Variants in CACNA1C observed in about 807,000 individuals in gnomAD.
CACNA1C encodes voltage-dependent L-type calcium channel subunit alpha-1C.
In CACNA1C, 30 loss-of-function variants were observed where a neutral mutation model predicts 229.0. The observed-to-expected ratio is 0.13, with a 90% confidence interval of 0.10 to 0.18. CACNA1C has a LOEUF of 0.18. Among genes scored for constraint, CACNA1C ranks in the 10% least tolerant of loss-of-function variants. The pLI, the probability that CACNA1C is intolerant of heterozygous loss-of-function variation, is 1.00. For synonymous variants in CACNA1C, 1,114 were observed against 1,132.5 expected, an observed-to-expected ratio of 0.98 and a Z score of 0.33; for missense variants, 1,658 against 2,845.0, an observed-to-expected ratio of 0.58 and a Z score of 9.49.
chr12:2,025,450 ACT>A (rs2047157089), intron 1 of CACNA1C, among the ~76,000 whole-genome samples: 2 of 151,984 alleles, frequency 1.3e-5, no homozygotes, highest in South Asian at 4.2e-4. Context: ...CCAGCTCTGC[ACT>A]CTCTGCAGAG....
In CACNA1C at chr12:2,562,148, G is replaced by A. The variant is rs559489694; in HGVS notation, c.1509-4274G>A. ...GAGCACCCCAGTTGAAAGGGACACC[G>A]TCCTGTCCACTCCGGCCACTCCTCA... On this transcript the variant is annotated intron_variant, in intron 11 of 46. Coordinates refer to ENST00000399655, the MANE Select transcript of CACNA1C (RefSeq NM_000719.7). Among the ~76,000 whole-genome samples, 51 of 133,750 alleles carry A rather than the reference G, an allele frequency of 3.8e-4. No homozygotes were observed. The South Asian group carries it at 6.5e-3, about 17-fold the overall frequency. The allele number at this position is 133,750 out of a possible 152,430, so 87.7% of individuals were successfully genotyped here. A position where few individuals can be genotyped will look rare whatever the true frequency, so the allele number is the denominator to read the frequency against.
At position 2,605,303 on chromosome 12, in the gene CACNA1C, C is replaced by A; in HGVS notation, c.3048+135C>A. 1.5e-6 allele frequency: 1 copy of A among 648,790 alleles called. No homozygotes were observed. 40.2% of individuals were successfully genotyped at this position (648,790 alleles called of 1,614,324 possible). On this transcript the variant is annotated intron_variant, in intron 23 of 46. Coordinates refer to ENST00000399655, the MANE Select transcript of CACNA1C (RefSeq NM_000719.7). This position sits in a 1 kb window ranked among gnomAD's most constrained non-coding sequence, Gnocchi z 6.2. ...CCATGTGGGGTCCCGGACACTGGTCCCACTGCATGTCCCGGTTCCGTAATG... is the reference window on the plus strand; with the variant it reads ...CCATGTGGGGTCCCGGACACTGGTCACACTGCATGTCCCGGTTCCGTAATG...
chr12:2,424,678 G>A (rs1295118120), intron 3 of CACNA1C, among the ~76,000 whole-genome samples: 1 of 152,180 alleles, frequency 6.6e-6, no homozygotes. Context: ...AGCTTCAGCA[G>A]CTCCAGGACC....
chr12:2,427,113 C>T (rs1015758347), intron 3 of CACNA1C, among the ~76,000 whole-genome samples: 4 of 152,130 alleles, frequency 2.6e-5, no homozygotes, highest in Admixed American at 2.6e-4. Context: ...GTAGGAAGGA[C>T]ATAGAAAGGA....
At chr12:2,524,698 T>G (rs2099815668) in intron 9 of CACNA1C, among the ~76,000 whole-genome samples, 1 of 152,228 alleles carries the variant, frequency 6.6e-6, no homozygotes, top group South Asian at 2.1e-4. Flanking sequence ...CTGTCTGCTC[T>G]GCATCGGGCC....
At chr12:2,166,214 C>G (rs1044337045) in intron 3 of CACNA1C, among the ~76,000 whole-genome samples, 5 of 152,202 alleles carry the variant, frequency 3.3e-5, no homozygotes, top group African/African-American at 1.2e-4. Context: ...CCATGTTTAC[C>G]CATATTCCTC....
In CACNA1C at chr12:2,146,139, C is replaced by T. The variant is rs188626796; in HGVS notation, c.477+25709C>T. 1.5e-4 allele frequency among the ~76,000 whole-genome samples: 22 copies of T among 151,256 alleles called. No homozygotes were observed. The East Asian group carries it at 4.1e-3, about 28-fold the overall frequency. On this transcript the variant is annotated intron_variant, in intron 3 of 46. Coordinates refer to ENST00000399655, the MANE Select transcript of CACNA1C (RefSeq NM_000719.7). ...AAAGAAGAGAGGGGTTATTATCACC[C>T]CTCTTCCCTGTCACGTTTAGATTGG...
At chr12:2,222,740 T>C (rs1170650424) in intron 3 of CACNA1C, among the ~76,000 whole-genome samples, 3 of 152,140 alleles carry the variant, frequency 2.0e-5, no homozygotes, top group African/African-American at 7.2e-5. Context: ...TGAGGGACAA[T>C]GAGTTGTCCT....
At chr12:2,068,379 C>T (rs879436614) in intron 1 of CACNA1C, among the ~76,000 whole-genome samples, 8 of 152,244 alleles carry the variant, frequency 5.3e-5, no homozygotes, top group South Asian at 2.1e-4. Flanking sequence ...AGGCCTTTCC[C>T]GGAGGCAGGC....
rs10774027 is a variant in CACNA1C, at chr12:2,105,822, A to G, written c.50-9402A>G. Among the ~76,000 whole-genome samples the G allele has an allele frequency of 3.0e-3, 126 of 42,334 alleles. 5 individuals are homozygous for G. The highest frequency in any genetic ancestry group is 0.016 in the South Asian group (15 of 918). The allele number at this position is 42,334 out of a possible 152,430, so 27.8% of individuals were successfully genotyped here. A position where few individuals can be genotyped will look rare whatever the true frequency, so the allele number is the denominator to read the frequency against. On this transcript the variant is annotated intron_variant, in intron 1 of 46. Coordinates refer to ENST00000399655, the MANE Select transcript of CACNA1C (RefSeq NM_000719.7). The stretch of plus-strand genomic sequence containing the variant: ...GGGAGGGTTTCCACCTCAGCTGGGC[A>G]TCCTGAAGCCACTGGGCGCCCACCC...
At chr12:2,021,767 C>T (rs1004444577) in intron 1 of CACNA1C, among the ~76,000 whole-genome samples, 62 of 152,266 alleles carry the variant, frequency 4.1e-4, no homozygotes, top group African/African-American at 1.4e-3. Flanking sequence ...GGCTTTCTTA[C>T]TGCTTCTCAC....
chr12:2,677,087 G>A lies in CACNA1C; in HGVS notation c.4829-7G>A, dbSNP rs137904817. Reference sequence around the variant, plus strand: ...CTTACCCCCTCTCCCCTCTCCATACGTCTCAGATGATGAGGTCACCGTTGG... The same window carrying A: ...CTTACCCCCTCTCCCCTCTCCATACATCTCAGATGATGAGGTCACCGTTGG... On this transcript the variant is annotated splice_region_variant and splice_polypyrimidine_tract_variant and intron_variant, in intron 39 of 46. Transcript: ENST00000399655. The surrounding 1 kb of genome is among the most constrained non-coding windows in gnomAD (Gnocchi z 7.4). 3.2e-4 allele frequency: 511 copies of A among 1,611,758 alleles called. 4 individuals carry two copies. The African/African-American group carries it at 6.3e-3, about 20-fold the overall frequency.
intron 3 of CACNA1C, among the ~76,000 whole-genome samples, chr12:2,432,374 T>G (rs1231845053): frequency 6.6e-6 from 1 of 152,216 alleles, no homozygotes; most frequent in Admixed American, 6.5e-5. Context: ...GTGCTCACCA[T>G]GATGCCAGGT....
intron 3 of CACNA1C, among the ~76,000 whole-genome samples, chr12:2,286,895 T>G (rs1399629351): frequency 6.6e-6 from 1 of 152,218 alleles, no homozygotes; most frequent in Non-Finnish European, 1.5e-5. Flanking sequence ...GTAGTGGCCC[T>G]CCCTTACTCA....
At chr12:2,340,739 C>T (rs562538646) in intron 3 of CACNA1C, among the ~76,000 whole-genome samples, 46 of 152,292 alleles carry the variant, frequency 3.0e-4, no homozygotes, top group African/African-American at 9.9e-4. Context: ...TGGCAGATCA[C>T]GAGGTCAGGA....
At chr12:2,143,529 C>T (rs764310558) in intron 3 of CACNA1C, among the ~76,000 whole-genome samples, 30 of 151,036 alleles carry the variant, frequency 2.0e-4, no homozygotes, top group Non-Finnish European at 3.3e-4. Context: ...TACCATTGTG[C>T]GACAGTTGCT....
rs539386579 is a variant in CACNA1C, at chr12:2,246,766, G to A, written c.477+126336G>A. ...GGAAGCTTTTCTCCTGGTCCACACCGCTGCCTGGGCATGGAGAAACCTGCT... is the reference window on the plus strand; with the variant it reads ...GGAAGCTTTTCTCCTGGTCCACACCACTGCCTGGGCATGGAGAAACCTGCT... On this transcript the variant is annotated intron_variant, in intron 3 of 46. Coordinates refer to ENST00000399655, the MANE Select transcript of CACNA1C (RefSeq NM_000719.7). 1.4e-4 allele frequency among the ~76,000 whole-genome samples: 21 copies of A among 152,234 alleles called. No individual in the cohort carries two copies. The South Asian group carries it at 1.5e-3, about 11-fold the overall frequency.
At chr12:2,615,227 G>A (rs138998056) in intron 29 of CACNA1C, among the ~76,000 whole-genome samples, 4 of 152,344 alleles carry the variant, frequency 2.6e-5, no homozygotes, top group Admixed American at 1.3e-4. Context: ...TGGGCAGCAC[G>A]AAAAGTGCTG....
intron 4 of CACNA1C, among the ~76,000 whole-genome samples, chr12:2,454,438 A>G (rs1231653269): frequency 2.6e-5 from 4 of 151,896 alleles, no homozygotes; most frequent in Non-Finnish European, 5.9e-5. Flanking sequence ...CCTTCGTCCC[A>G]CCGCACTCTT....
Sources: gnomAD v4.1 joint callset for allele counts (sites outside exome capture counted in the v4.1 genomes callset) on GRCh38, gnomAD v4.1.1 for gene constraint, Gnocchi (gnomAD v3.1) non-coding constraint, MANE v1.5 for transcripts, NCBI Gene and HGNC (gene_info 2026-07-23, HGNC 2026-07-21) for gene names.